The following KDM4C variants were observed in gnomAD, a reference collection of about 807,000 sequenced individuals.
KDM4C encodes the protein lysine demethylase 4C.
In KDM4C, 81 loss-of-function variants were observed where a neutral mutation model predicts 129.3. The observed-to-expected ratio is 0.63, with a 90% CI of 0.52 to 0.75. The LOEUF (loss-of-function observed/expected upper bound fraction) is 0.75, where lower values mean the gene tolerates loss of function less well. Among genes scored for constraint, KDM4C ranks in the 30% least tolerant of loss-of-function variants. KDM4C has a pLI of 0.00. For missense variants in KDM4C, 1,457 were observed against 1,304.0 expected, an observed-to-expected ratio of 1.12 and a Z score of -1.81; for synonymous variants, 573 against 456.1, an observed-to-expected ratio of 1.26 and a Z score of -3.26.
At chr9:6,968,603 C>A (rs818902) in intron 8 of KDM4C, among the ~76,000 whole-genome samples, 112,839 of 152,086 alleles carry the variant, frequency 0.74, 42,257 homozygotes, top group East Asian at 1. Flanking sequence ...TGCCCTTCTG[C>A]GTTATAAGTT....
At chr9:6,834,611 C>A in intron 4 of KDM4C, 4 of 756,580 alleles carry the variant, frequency 5.3e-6, no homozygotes, top group Non-Finnish European at 9.9e-6. Context: ...GAAGGACTCC[C>A]ATGTGGGCGA....
At chr9:6,897,211 G>T (rs1244433299) in intron 8 of KDM4C, among the ~76,000 whole-genome samples, 1 of 152,056 alleles carries the variant, frequency 6.6e-6, no homozygotes, top group Non-Finnish European at 1.5e-5. Context: ...GACTTTTTTT[G>T]TGTGTGTATG....
At chr9:6,791,990 C>A (rs564901089) in intron 1 of KDM4C, among the ~76,000 whole-genome samples, 1 of 152,154 alleles carries the variant, frequency 6.6e-6, no homozygotes, top group East Asian at 1.9e-4. Context: ...CCATTTCACT[C>A]CAGCCTGGGC....
At chr9:6,958,995 A>G (rs574179743) in intron 8 of KDM4C, among the ~76,000 whole-genome samples, 1 of 152,328 alleles carries the variant, frequency 6.6e-6, no homozygotes, top group Admixed American at 6.5e-5. Context: ...TGATAGGTTC[A>G]ATAGAAGGAA....
At chr9:7,029,532 G>T (rs1259673018) in intron 15 of KDM4C, among the ~76,000 whole-genome samples, 4 of 151,428 alleles carry the variant, frequency 2.6e-5, no homozygotes, top group African/African-American at 9.7e-5. Flanking sequence ...AATTTTTTGT[G>T]TGATCTTCTG....
At chr9:6,772,051 T>A (rs1253421213) in intron 1 of KDM4C, among the ~76,000 whole-genome samples, 1 of 152,232 alleles carries the variant, frequency 6.6e-6, no homozygotes, top group Non-Finnish European at 1.5e-5. Flanking sequence ...ATGGCCTTGT[T>A]TGGCTGCCTT....
At position 6,776,966 on chromosome 9, in the gene KDM4C, A is replaced by G. The variant is rs533011636; in HGVS notation, c.-17-16006A>G. ...TTGTAGTCTTATCTTTTCCCCAGGA[A>G]TTCCTATAGCACTTAGGTTTGTATA... is the stretch of plus-strand genomic sequence containing the variant. On this transcript the variant is annotated intron_variant, in intron 1 of 21. Coordinates refer to ENST00000381309, the MANE Select transcript of KDM4C (RefSeq NM_015061.6). Among the ~76,000 whole-genome samples the G allele has an allele frequency of 9.9e-5, 15 of 152,280 alleles. No homozygotes were observed. The East Asian group carries it at 2.7e-3, about 27-fold the overall frequency.
chr9:7,108,666 G>A (rs565800413), intron 18 of KDM4C, among the ~76,000 whole-genome samples: 59 of 152,288 alleles, frequency 3.9e-4, no homozygotes, highest in Admixed American at 1.8e-3. Flanking sequence ...ATCTGGTGAA[G>A]GGCTCAAAGC....
At chr9:6,967,474 A>G (rs1831198821) in intron 8 of KDM4C, among the ~76,000 whole-genome samples, 1 of 152,044 alleles carries the variant, frequency 6.6e-6, no homozygotes, top group Admixed American at 6.6e-5. Context: ...AAGATATGCA[A>G]GATTAAAACG....
intron 1 of KDM4C, among the ~76,000 whole-genome samples, chr9:6,744,882 G>A (rs574776836): frequency 1.3e-5 from 2 of 152,050 alleles, no homozygotes; most frequent in Non-Finnish European, 2.9e-5. Flanking sequence ...GGGATACCTG[G>A]GGCACTGAGA....
chr9:6,775,327 A>T (rs1053143096), intron 1 of KDM4C, among the ~76,000 whole-genome samples: 1 of 151,636 alleles, frequency 6.6e-6, no homozygotes, highest in African/African-American at 2.4e-5. Context: ...ATTCATCCAT[A>T]TTCCTGGGAG....
At position 7,000,360 on chromosome 9, in the gene KDM4C, A is replaced by G. The variant is rs185522379; in HGVS notation, c.1786+9836A>G. On this transcript the variant is annotated intron_variant, in intron 12 of 21. Transcript: ENST00000381309. ...TTGCTTTCTGTATTTCTTACTTTCAATTTTGAAACTTTTCTAAACAATGAT... is the reference window on the plus strand; with the variant it reads ...TTGCTTTCTGTATTTCTTACTTTCAGTTTTGAAACTTTTCTAAACAATGAT... Among the ~76,000 whole-genome samples the G allele has an allele frequency of 2.6e-5, 4 of 152,286 alleles. No homozygotes were observed. The East Asian group carries it at 7.7e-4, about 29-fold the overall frequency.
At chr9:6,943,728 T>G (rs1196093536) in intron 8 of KDM4C, among the ~76,000 whole-genome samples, 4 of 152,234 alleles carry the variant, frequency 2.6e-5, no homozygotes, top group African/African-American at 7.2e-5. Context: ...GGAAACACTT[T>G]AGTCTGCTGC....
chr9:6,917,020 G>A (rs1425642392), intron 8 of KDM4C, among the ~76,000 whole-genome samples: 2 of 152,064 alleles, frequency 1.3e-5, no homozygotes, highest in Non-Finnish European at 2.9e-5. Context: ...AGATTGTTGA[G>A]GTCATTCTGT....
intron 1 of KDM4C, among the ~76,000 whole-genome samples, chr9:6,742,997 C>T (rs772038974): frequency 4.0e-4 from 60 of 151,714 alleles, no homozygotes; most frequent in Non-Finnish European, 7.7e-4. Context: ...GGTGACAGGG[C>T]GAGGCTCAGT....
intron 17 of KDM4C, among the ~76,000 whole-genome samples, chr9:7,088,646 T>C (rs905767674): frequency 7.2e-5 from 11 of 152,206 alleles, no homozygotes; most frequent in Admixed American, 2.0e-4. Flanking sequence ...ATTTGCTACA[T>C]ATTACAGGAG....
chr9:7,127,511 A>G (rs1317225930), intron 18 of KDM4C, among the ~76,000 whole-genome samples: 2 of 152,222 alleles, frequency 1.3e-5, no homozygotes, highest in African/African-American at 4.8e-5. Context: ...GAAGAATTGT[A>G]TCCTTCCAAA....
chr9:7,058,460 C>T (rs775834367), intron 17 of KDM4C, among the ~76,000 whole-genome samples: 1 of 152,178 alleles, frequency 6.6e-6, no homozygotes, highest in Non-Finnish European at 1.5e-5. Context: ...TTTCAAACTA[C>T]CAATATAATG....
At chr9:6,878,835 C>T (rs1461288677) in intron 5 of KDM4C, among the ~76,000 whole-genome samples, 2 of 151,618 alleles carry the variant, frequency 1.3e-5, no homozygotes, top group East Asian at 3.9e-4. Context: ...ACCCACACCC[C>T]TTTTCTGGGT....
Sources: gnomAD v4.1 joint callset for allele counts (sites outside exome capture counted in the v4.1 genomes callset) on GRCh38, gnomAD v4.1.1 for gene constraint, MANE v1.5 for transcripts, NCBI Gene and HGNC (gene_info 2026-07-23, HGNC 2026-07-21) for gene names.